Variants in SLC9B1 observed in about 807,000 individuals in gnomAD.
The protein encoded by SLC9B1 is solute carrier family 9 member B1, also known as sodium/hydrogen exchanger 9B1.
SLC9B1 carries 32 observed loss-of-function variants against 51.7 expected under a neutral mutation model. The ratio of observed to expected loss-of-function variants is 0.62; its 90% confidence interval spans 0.47 to 0.83. The LOEUF (loss-of-function observed/expected upper bound fraction) is 0.83. Among genes scored for constraint, SLC9B1 ranks in the 40% least tolerant of loss-of-function variants. The probability of loss-of-function intolerance (pLI) is 0.00; values close to 1 mark genes in which losing one functional copy is unlikely to be tolerated. For missense variants in SLC9B1, 406 were observed against 613.2 expected, an observed-to-expected ratio of 0.66 and a Z score of 3.57; for synonymous variants, 145 against 212.7, an observed-to-expected ratio of 0.68 and a Z score of 2.77.
Position 102,928,222 on chromosome 4 carries a change from T to C in SLC9B1, c.829+3902A>G, listed in dbSNP as rs141589358. Among the ~76,000 whole-genome samples the C allele has an allele frequency of 1.2e-4, 19 of 152,260 alleles. No individual in the cohort carries two copies. In the East Asian group the frequency reaches 3.7e-3, roughly 29 times the overall value. On this transcript the variant is annotated intron_variant, in intron 7 of 11. Coordinates refer to ENST00000296422, the MANE Select transcript of SLC9B1 (RefSeq NM_139173.4). ...CACCTGTACCCTAGAACTTAAGGTA[T>C]AACAACACCAACAAAAAAAGAAGTT...
chr4:102,959,235 T>TATATAC (rs1005783670), intron 3 of SLC9B1, among the ~76,000 whole-genome samples: 12 of 149,344 alleles, frequency 8.0e-5, no homozygotes, highest in Admixed American at 2.7e-4. Context: ...CATATATATA[T>TATATAC]ACACACACAC....
In SLC9B1 at chr4:102,895,911, C is replaced by T. The variant is rs547077771; in HGVS notation, c.1332+9603G>A. Among the ~76,000 whole-genome samples the T allele has an allele frequency of 1.5e-4, 23 of 152,314 alleles. 1 individual carries two copies. The East Asian group carries it at 4.2e-3, about 28-fold the overall frequency. ...CTGTGTATTGGTGCCTAGGTTATTTCTTCACAGCAAGCTGAGACCCATTAG... is the reference window on the plus strand; with the variant it reads ...CTGTGTATTGGTGCCTAGGTTATTTTTTCACAGCAAGCTGAGACCCATTAG... On this transcript the variant is annotated intron_variant, in intron 11 of 11. Coordinates refer to the SLC9B1 transcript ENST00000394789.
chr4:102,985,637 C>T (rs1036571427), intron 3 of SLC9B1, among the ~76,000 whole-genome samples: 11 of 152,000 alleles, frequency 7.2e-5, no homozygotes, highest in Admixed American at 7.2e-4. Flanking sequence ...AATTCTCCTG[C>T]CTCAGCATCT....
intron 1 of SLC9B1, among the ~76,000 whole-genome samples, chr4:102,995,725 A>G (rs1047260943): frequency 2.0e-5 from 3 of 152,164 alleles, no homozygotes; most frequent in African/African-American, 7.2e-5. Flanking sequence ...AAATGTATTC[A>G]ACTCTTCTCT....
chr4:103,005,680 A>T (rs531565554), intron 1 of SLC9B1, among the ~76,000 whole-genome samples: 1 of 152,302 alleles, frequency 6.6e-6, no homozygotes, highest in African/African-American at 2.4e-5. Context: ...CATGGCACAT[A>T]CTGTAAATTG....
At chr4:102,887,746 T>C (rs1382840207) in intron 11 of SLC9B1, 1 of 189,892 alleles carries the variant, frequency 5.3e-6, no homozygotes, top group African/African-American at 2.4e-5. Flanking sequence ...GGATCTTGTA[T>C]TTAAAATTCC....
downstream of SLC9B1, among the ~76,000 whole-genome samples, chr4:102,900,326 TA>T (rs1343466590): frequency 6.6e-6 from 1 of 152,236 alleles, no homozygotes. Context: ...CAGCCAGAAT[TA>T]AAAGGTAATT....
intron 7 of SLC9B1, among the ~76,000 whole-genome samples, chr4:102,912,658 A>C (rs1164501339): frequency 1.3e-5 from 2 of 152,164 alleles, no homozygotes; most frequent in Admixed American, 6.5e-5. Context: ...AGGCAGAAGG[A>C]TTGCTTGAGC....
At chr4:102,955,979 G>A (rs4235409) in intron 3 of SLC9B1, among the ~76,000 whole-genome samples, 6 of 151,824 alleles carry the variant, frequency 4.0e-5, no homozygotes, top group South Asian at 2.1e-4. Context: ...AGTGGCTCAC[G>A]GTGCCTAAAC....
chr4:102,978,983 T>C (rs1739217221), intron 3 of SLC9B1, among the ~76,000 whole-genome samples: 1 of 152,226 alleles, frequency 6.6e-6, no homozygotes, highest in African/African-American at 2.4e-5. Context: ...ATTAAAAGCT[T>C]TTTAAATATG....
intron 7 of SLC9B1, among the ~76,000 whole-genome samples, chr4:102,921,197 A>G (rs28861519): frequency 3.1e-3 from 469 of 152,368 alleles, no homozygotes; most frequent in African/African-American, 0.011. Flanking sequence ...AGCCCATCAG[A>G]CTAACAGTGG....
intron 3 of SLC9B1, among the ~76,000 whole-genome samples, chr4:102,970,764 A>T (rs1461949788): frequency 6.6e-6 from 1 of 152,214 alleles, no homozygotes; most frequent in Admixed American, 6.5e-5. Flanking sequence ...AGAGACACAC[A>T]TAGGCTCAAA....
chr4:103,002,587 TC>T (rs1740583643), intron 1 of SLC9B1, among the ~76,000 whole-genome samples: 1 of 151,710 alleles, frequency 6.6e-6, no homozygotes, highest in African/African-American at 2.4e-5. Context: ...TAAAAAAGAG[TC>T]TTAAGAAAAA....
chr4:102,989,806 TA>T lies in SLC9B1; in HGVS notation c.204del (p.Thr69GlnfsTer8). 6.4e-6 allele frequency: 10 copies of T among 1,570,486 alleles called. No individual in the cohort carries two copies. The highest frequency in any genetic ancestry group is 1.9e-5 in the Admixed American group (1 of 52,176). On this transcript the variant is annotated frameshift_variant, in exon 3 of 12. Coordinates refer to ENST00000296422, the MANE Select transcript of SLC9B1 (RefSeq NM_139173.4). Reference protein sequence around the residue: ...CPLRGVLNVIITNGVILFVIW... With the variant: ...CPLRGVLNVIXTNGVILFVIW... The stretch of plus-strand genomic sequence containing the variant: ...CATTTTTTGTTTCACATACCATTTG[TA>T]ATAATTACATTCAATACTCCTCTTA...
At chr4:102,968,758 C>A (rs1029151386) in intron 3 of SLC9B1, among the ~76,000 whole-genome samples, 4 of 152,202 alleles carry the variant, frequency 2.6e-5, no homozygotes, top group Admixed American at 1.3e-4. Flanking sequence ...CACAAGGGGT[C>A]GGGGGATTTC....
chr4:102,958,749 C>T (rs1052369695), intron 3 of SLC9B1, among the ~76,000 whole-genome samples: 4 of 151,994 alleles, frequency 2.6e-5, no homozygotes, highest in Admixed American at 6.6e-5. Flanking sequence ...GGTGAAACCC[C>T]GTGTCTACTA....
chr4:102,991,723 A>T lies in SLC9B1; in HGVS notation c.-1-11T>A, dbSNP rs947765039. The T allele has an allele frequency of 2.0e-6, 3 of 1,538,230 alleles. No homozygotes were observed. The African/African-American group carries it at 4.1e-5, about 21-fold the overall frequency. Reference sequence around the variant, plus strand: ...TCTGTGGTATGCATGCTAAGATTTAAAAGAAAAATACTTTAAAAGAAGAAA... The same window carrying T: ...TCTGTGGTATGCATGCTAAGATTTATAAGAAAAATACTTTAAAAGAAGAAA... On this transcript the variant is annotated splice_polypyrimidine_tract_variant and intron_variant, in intron 1 of 11. Transcript: ENST00000296422.
At chr4:103,006,137 A>G (rs192486193) in intron 1 of SLC9B1, among the ~76,000 whole-genome samples, 8 of 152,246 alleles carry the variant, frequency 5.3e-5, no homozygotes, top group Admixed American at 3.9e-4. Flanking sequence ...CAAGCAATAC[A>G]AAAAGATCAA....
At chr4:102,973,325 C>G (rs1464021319) in intron 3 of SLC9B1, among the ~76,000 whole-genome samples, 1 of 151,806 alleles carries the variant, frequency 6.6e-6, no homozygotes, top group Admixed American at 6.6e-5. Flanking sequence ...AACTATAAGA[C>G]AAAAAACATT....
Sources: allele counts gnomAD v4.1 joint callset (sites outside exome capture counted in the v4.1 genomes callset), GRCh38; gene constraint gnomAD v4.1.1; transcripts MANE v1.5; gene names NCBI Gene and HGNC (gene_info 2026-07-23, HGNC 2026-07-21).